The following BEND5 variants were observed in gnomAD, a reference collection of about 807,000 sequenced individuals.
BEND5 encodes BEN domain-containing protein 5.
BEND5 carries 22 observed loss-of-function variants against 43.9 expected under a neutral mutation model. The observed-to-expected ratio is 0.50, with a 90% CI of 0.36 to 0.72. The LOEUF is 0.72. Ranked by LOEUF, BEND5 falls within the 30% of genes least tolerant of loss-of-function variation. The pLI, the probability that BEND5 is intolerant of heterozygous loss-of-function variation, is 0.00. For missense variants in BEND5, 428 were observed against 550.6 expected (o/e 0.78, Z 2.23); for synonymous variants, 228 against 225.9 (o/e 1.01, Z -0.08).
intron 1 of BEND5, among the ~76,000 whole-genome samples, chr1:48,770,975 C>A (rs1222862746): frequency 6.6e-6 from 1 of 152,212 alleles, no homozygotes; most frequent in Non-Finnish European, 1.5e-5. Context: ...GTTCACTAAA[C>A]AACTGTTTGA....
intron 3 of BEND5, among the ~76,000 whole-genome samples, chr1:48,750,151 C>G (rs934446597): frequency 6.6e-6 from 1 of 152,182 alleles, no homozygotes; most frequent in African/African-American, 2.4e-5. Flanking sequence ...TTCATCTTTG[C>G]TAAATGGCTG....
chr1:48,749,423 A>G (rs560756029), intron 3 of BEND5, among the ~76,000 whole-genome samples: 1 of 152,298 alleles, frequency 6.6e-6, no homozygotes, highest in African/African-American at 2.4e-5. Context: ...TGGTGGTCCT[A>G]CAAAATCGAT....
chr1:48,776,489 G>A, intron 1 of BEND5, 117 bp downstream of exon 1: 3 of 749,720 alleles, frequency 4.0e-6, no homozygotes, highest in East Asian at 6.8e-5. Context: ...ACGGGAGAAG[G>A]AGGCAGGAAG....
chr1:48,774,929 C>A (rs974597983), intron 1 of BEND5, among the ~76,000 whole-genome samples: 3 of 152,198 alleles, frequency 2.0e-5, no homozygotes, highest in Non-Finnish European at 4.4e-5. Flanking sequence ...TAGGACCCTT[C>A]CAGATCTAGG....
intron 4 of BEND5, among the ~76,000 whole-genome samples, chr1:48,740,934 C>T (rs1456121817): frequency 6.6e-6 from 1 of 152,198 alleles, no homozygotes; most frequent in Non-Finnish European, 1.5e-5. Flanking sequence ...AGTCTTATAG[C>T]AACATGCTGG....
At chr1:48,771,146 C>T (rs1644805659) in intron 1 of BEND5, among the ~76,000 whole-genome samples, 2 of 152,300 alleles carry the variant, frequency 1.3e-5, no homozygotes, top group African/African-American at 4.8e-5. Context: ...GACTGACCAC[C>T]TAGTATAACT....
At chr1:48,742,316 A>G (rs1650035692) in intron 4 of BEND5, among the ~76,000 whole-genome samples, 1 of 152,220 alleles carries the variant, frequency 6.6e-6, no homozygotes, top group Non-Finnish European at 1.5e-5. Flanking sequence ...TCATCAAACT[A>G]TCATGGGAAT....
intron 5 of BEND5, among the ~76,000 whole-genome samples, chr1:48,733,785 T>G (rs1047884637): frequency 6.6e-6 from 1 of 152,288 alleles, no homozygotes; most frequent in East Asian, 1.9e-4. Context: ...CAAAATTTGG[T>G]CAGGCGATCA....
chr1:48,760,147 G>A (rs1644178463), intron 2 of BEND5, among the ~76,000 whole-genome samples: 1 of 152,182 alleles, frequency 6.6e-6, no homozygotes, highest in Admixed American at 6.5e-5. Flanking sequence ...ATAGAGAGAA[G>A]AAAGTTCATT....
At chr1:48,764,488 G>C (rs568027851) in intron 1 of BEND5, among the ~76,000 whole-genome samples, 1 of 152,258 alleles carries the variant, frequency 6.6e-6, no homozygotes, top group East Asian at 1.9e-4. Context: ...AATGGGGAAG[G>C]GGGGGAAATA....
At chr1:48,776,378 G>C (rs1274554778) in intron 1 of BEND5, among the ~76,000 whole-genome samples, 2 of 152,190 alleles carry the variant, frequency 1.3e-5, no homozygotes, top group African/African-American at 4.8e-5. Flanking sequence ...CTGACAGCGC[G>C]GGAGCTTCGG....
At position 48,776,641 on chromosome 1, in the gene BEND5, A is replaced by T. The variant is rs780936927; in HGVS notation, c.191T>A (p.Leu64Gln). The change falls in exon 1 of 6, where the codon CTG becomes CAG. Residue 64 changes from leucine (L) to glutamine (Q), a missense_variant. Physicochemically the swap from Leu to Gln is moderately radical, Grantham distance 113. This residue lies in a region of BEND5 where 107 missense variants were observed against 98.8 expected (regional missense o/e 1.08). Transcript: ENST00000371833. ...PPRAPRDWGA[L>Q]LLHKAQILAL... The stretch of plus-strand genomic sequence containing the variant: ...CAGGATCTGGGCCTTGTGGAGCAAC[A>T]GCGCGCCCCAGTCGCGGGGGGCGCG... 5 of 1,480,988 alleles carry T rather than the reference A, an allele frequency of 3.4e-6. No homozygotes were observed. The highest frequency in any genetic ancestry group is 4.5e-6 in the Non-Finnish European group (5 of 1,120,276). The allele number at this position is 1,480,988 out of a possible 1,614,324, so 91.7% of individuals were successfully genotyped here.
At position 48,727,852 on chromosome 1, in the gene BEND5, G is replaced by A; in HGVS notation, c.*34C>T. ...CGCTCGCAAATCACATGCCACACAA[G>A]GAAAACACGAAAGCTTTATGAAAAA... On this transcript the variant is annotated 3_prime_UTR_variant, in exon 6 of 6. Coordinates refer to ENST00000371833, the MANE Select transcript of BEND5 (RefSeq NM_024603.4). The A allele has an allele frequency of 1.9e-6, 3 of 1,577,640 alleles. No homozygotes were observed. Among genetic ancestry groups the A allele is most frequent in the Non-Finnish European group, 2.6e-6 (3 of 1,153,110 alleles).
chr1:48,750,795 T>C (rs1452189976), intron 3 of BEND5, among the ~76,000 whole-genome samples: 6 of 152,182 alleles, frequency 3.9e-5, no homozygotes, highest in African/African-American at 1.4e-4. Context: ...GGTGATTGCA[T>C]GGCAGGGAGA....
At chr1:48,770,664 G>T (rs1224113823) in intron 1 of BEND5, among the ~76,000 whole-genome samples, 2 of 152,060 alleles carry the variant, frequency 1.3e-5, no homozygotes, top group African/African-American at 4.8e-5. Context: ...GATGTTCCAT[G>T]GGCCCTTAAG....
chr1:48,748,786 T>C (rs1296140557), intron 3 of BEND5, among the ~76,000 whole-genome samples: 2 of 152,036 alleles, frequency 1.3e-5, no homozygotes, highest in East Asian at 1.9e-4. Flanking sequence ...GGGGCTTTGA[T>C]GGATGCGCGA....
chr1:48,754,551 A>C (rs1053254094), intron 3 of BEND5, among the ~76,000 whole-genome samples: 39 of 152,094 alleles, frequency 2.6e-4, no homozygotes, highest in Non-Finnish European at 7.4e-5. Context: ...GCATTTACTT[A>C]TTTGGGGGAG....
At chr1:48,752,924 A>G (rs896591278) in intron 3 of BEND5, among the ~76,000 whole-genome samples, 3 of 151,856 alleles carry the variant, frequency 2.0e-5, no homozygotes, top group Non-Finnish European at 4.4e-5. Context: ...TAATTTTTGT[A>G]TTTTTAGTAG....
At chr1:48,770,525 T>C (rs1644759460) in intron 1 of BEND5, among the ~76,000 whole-genome samples, 2 of 152,150 alleles carry the variant, frequency 1.3e-5, no homozygotes, top group Non-Finnish European at 2.9e-5. Context: ...CTTCTCTCAC[T>C]CTGCACTCTC....
Sources: allele counts gnomAD v4.1 joint callset (sites outside exome capture counted in the v4.1 genomes callset), GRCh38; gene constraint gnomAD v4.1.1; regional missense constraint gnomAD v4.1.1; transcripts MANE v1.5; gene names NCBI Gene and HGNC (gene_info 2026-07-23, HGNC 2026-07-21).